PATZ1: variants seen among roughly 807,000 people sequenced by gnomAD.
PATZ1 encodes POZ-, AT hook-, and zinc finger-containing protein 1.
Under a neutral mutation model 46.2 loss-of-function variants are expected in PATZ1, and 9 were observed. The observed-to-expected ratio is 0.19, with a 90% CI of 0.12 to 0.34. PATZ1 has a LOEUF of 0.34. Ranked by LOEUF, PATZ1 falls within the 10% of genes least tolerant of loss-of-function variation. The pLI is 1.00. For missense variants in PATZ1, 632 were observed against 923.0 expected (o/e 0.68, Z 4.08); for synonymous variants, 426 against 378.6 (o/e 1.13, Z -1.45).
chr22:31,345,083 G>A lies in PATZ1; in HGVS notation c.520C>T (p.Leu174Phe), dbSNP rs1275952099. The change falls in exon 1 of 5, where the codon CTC (leucine) becomes TTC (phenylalanine). Residue 174 changes from leucine (L) to phenylalanine (F), a missense_variant. Around this residue, in one of 7 missense-constraint regions of PATZ1, gnomAD observed 279 missense variants for 284.3 expected, o/e 0.98. Transcript: ENST00000266269. The surrounding 1 kb of genome is among the most constrained non-coding windows in gnomAD (Gnocchi z 7.4). ...LVPPARADIM[L>F]FRPPGTSDLG... ...TCCGAGGTCCCAGGGGGGCGAAAGA[G>A]CATTATATCGGCGCGGGCAGGGGGT... 7 of 1,614,090 alleles carry A rather than the reference G, an allele frequency of 4.3e-6. No individual in the cohort carries two copies. The highest frequency in any genetic ancestry group is 1.3e-5 in the African/African-American group (1 of 74,946).
chr22:31,327,131 A>G lies in PATZ1; in HGVS notation c.1824T>C (p.Pro608=), dbSNP rs1402037933. The G allele has an allele frequency of 6.2e-7, 1 of 1,613,878 alleles. No individual in the cohort carries two copies. Among genetic ancestry groups the G allele is most frequent in the African/African-American group, 1.3e-5 (1 of 74,846 alleles). Residue 608 remains proline (P), a synonymous_variant, in exon 5 of 5, where the codon CCT becomes CCC. Transcript: ENST00000266269. This position sits in a 1 kb window ranked among gnomAD's most constrained non-coding sequence, Gnocchi z 4.2. The stretch of plus-strand genomic sequence containing the variant: ...TAGAGCGGAAGAAGCTCCCACATTC[A>G]GGGCATGGGTACTTCTTCTCCCCAT... ...ESDGEKKYPC[P]ECGSFFRSKS...
Position 31,344,577 on chromosome 22 carries a change from G to A in PATZ1, c.1026C>T (p.Pro342=), listed in dbSNP as rs943738029. 4.3e-6 allele frequency: 7 copies of A among 1,614,072 alleles called. No individual in the cohort carries two copies. The highest frequency in any genetic ancestry group is 3.3e-5 in the Admixed American group (2 of 60,008). Residue 342 remains proline (P), a synonymous_variant, in exon 1 of 5, where the codon CCC becomes CCT. Coordinates refer to ENST00000266269, the MANE Select transcript of PATZ1 (RefSeq NM_014323.3). ...TCCGGCTCCTCTTTCGGGGGCCGTC[G>A]GGGTCTTCAGAGATGGGTAGCCCAT... The part of the protein sequence containing the change: ...GENGLPISED[P]DGPRKRSRTR...
At chr22:31,332,869 A>T (rs1187369345) in intron 3 of PATZ1, among the ~76,000 whole-genome samples, 1 of 152,252 alleles carries the variant, frequency 6.6e-6, no homozygotes, top group African/African-American at 2.4e-5. Context: ...ATAGGCATAT[A>T]TACAAAGATC....
At chr22:31,330,669 C>T (rs1310103102) in intron 3 of PATZ1, among the ~76,000 whole-genome samples, 1 of 152,138 alleles carries the variant, frequency 6.6e-6, no homozygotes, top group Non-Finnish European at 1.5e-5. Context: ...GGGACGCTAA[C>T]CTTTTAGGAA....
At chr22:31,340,625 G>GT in intron 2 of PATZ1, 10 of 958,884 alleles carry the variant, frequency 1.0e-5, no homozygotes, top group Non-Finnish European at 1.1e-5. Flanking sequence ...CCAAGGGACA[G>GT]TGATGTCAGT....
chr22:31,346,306 CG>C lies in PATZ1; in HGVS notation c.-705del, dbSNP rs1218934936. 3 of 153,774 alleles carry C rather than the reference CG, an allele frequency of 2.0e-5. No homozygotes were observed. Among genetic ancestry groups the C allele is most frequent in the Non-Finnish European group, 2.9e-5 (2 of 69,090 alleles). The allele number at this position is 153,774 out of a possible 1,614,324, so 9.5% of individuals were successfully genotyped here. A position where few individuals can be genotyped will look rare whatever the true frequency, so the allele number is the denominator to read the frequency against. ...AGGCGGCGGCGGAGCGGCGGCTGTG[CG>C]GCCCCGGGCTCCGTGTGTTCGGAGC... is the stretch of plus-strand genomic sequence containing the variant. On this transcript the variant is annotated 5_prime_UTR_variant, in exon 1 of 5. Transcript: ENST00000266269.
At chr22:31,331,449 C>T (rs993726766) in intron 3 of PATZ1, among the ~76,000 whole-genome samples, 2 of 151,550 alleles carry the variant, frequency 1.3e-5, no homozygotes, top group African/African-American at 4.9e-5. Context: ...ATGCCATTCT[C>T]CTGCCTCAGC....
At chr22:31,344,182 T>C (rs769815136) in intron 1 of PATZ1, 150 bp downstream of exon 1, 2 of 688,726 alleles carry the variant, frequency 2.9e-6, no homozygotes, top group East Asian at 2.7e-5. Flanking sequence ...CATCTCAAAA[T>C]AAGGGCCCTT....
chr22:31,337,455 C>T (rs1050858141), intron 2 of PATZ1, among the ~76,000 whole-genome samples: 4 of 152,228 alleles, frequency 2.6e-5, no homozygotes, highest in Admixed American at 2.0e-4. Flanking sequence ...GAGCACCTGA[C>T]TTAGTACCAG....
At chr22:31,341,715 C>A in intron 2 of PATZ1, 3 of 1,573,138 alleles carry the variant, frequency 1.9e-6, no homozygotes, top group Non-Finnish European at 2.6e-6. Flanking sequence ...CAGGTTACCC[C>A]CCCAGGCCAC....
At chr22:31,332,537 T>C (rs968243769) in intron 3 of PATZ1, among the ~76,000 whole-genome samples, 13 of 152,232 alleles carry the variant, frequency 8.5e-5, no homozygotes, top group African/African-American at 2.7e-4. Context: ...TCAGTTGCAT[T>C]TTCTTGCCTG....
chr22:31,339,139 A>T (rs567373877), intron 2 of PATZ1, among the ~76,000 whole-genome samples: 1 of 152,326 alleles, frequency 6.6e-6, no homozygotes, highest in South Asian at 2.1e-4. Context: ...TGGCTTATCC[A>T]TTTGGGGATT....
rs145023907 is a variant in PATZ1 at position 31,328,956 on chromosome 22, G to A, written c.1508-32C>T. 272 of 1,579,058 alleles carry A rather than the reference G, an allele frequency of 1.7e-4. No homozygotes were observed. In the African/African-American group the frequency reaches 2.9e-3, roughly 17 times the overall value. On this transcript the variant is annotated intron_variant, in intron 3 of 4. Coordinates refer to ENST00000266269, the MANE Select transcript of PATZ1 (RefSeq NM_014323.3). The surrounding 1 kb of genome is among the most constrained non-coding windows in gnomAD (Gnocchi z 4.8). ...AAGACAAAAGGAGATGAGATCCCGC[G>A]GCCAGCAAGAGATACCTCTCTCCTT...
At chr22:31,341,045 G>A (rs1394943349) in intron 2 of PATZ1, 6 of 1,085,954 alleles carry the variant, frequency 5.5e-6, no homozygotes, top group Non-Finnish European at 6.7e-6. Flanking sequence ...AGAAACCCCA[G>A]GCCTATGGGA....
chr22:31,329,868 C>T (rs576145497), intron 3 of PATZ1, among the ~76,000 whole-genome samples: 1 of 152,350 alleles, frequency 6.6e-6, no homozygotes, highest in South Asian at 2.1e-4. Context: ...AGGAGGTATG[C>T]CATCAAACCC....
chr22:31,346,217 CGGCGGCGGCTGGAGCGGGCG>C lies in PATZ1; in HGVS notation c.-635_-616del, dbSNP rs1378508134. 7 of 152,578 alleles carry C rather than the reference CGGCGGCGGCTGGAGCGGGCG, an allele frequency of 4.6e-5. No homozygotes were observed. Among genetic ancestry groups the C allele is most frequent in the Non-Finnish European group, 9.9e-5 (7 of 70,552 alleles). The allele number at this position is 152,578 out of a possible 1,614,324, so 9.5% of individuals were successfully genotyped here. A position where few individuals can be genotyped will look rare whatever the true frequency, so the allele number is the denominator to read the frequency against. ...GGAGCCTGGAGGGCGGTGGCGGCGG[CGGCGGCGGCTGGAGCGGGCG>C]GGCGGCGGCGGCGGCAGAGTAGGCC... On this transcript the variant is annotated 5_prime_UTR_variant, in exon 1 of 5. Transcript: ENST00000266269.
chr22:31,341,762 T>A (rs1324929073), intron 2 of PATZ1: 1 of 1,301,478 alleles, frequency 7.7e-7, no homozygotes, highest in Non-Finnish European at 1.1e-6. Flanking sequence ...CTCCTCCTAC[T>A]CTGCCCGGGC....
Position 31,326,606 on chromosome 22 carries a change from T to A in PATZ1, c.*285A>T. On this transcript the variant is annotated 3_prime_UTR_variant, in exon 5 of 5. Transcript: ENST00000266269. ...CACCAGGAATTCCAGCTTCTTCCCATTAAAGAAACTGGGACTGGTTTTGCC... is the reference window on the plus strand; with the variant it reads ...CACCAGGAATTCCAGCTTCTTCCCAATAAAGAAACTGGGACTGGTTTTGCC... The A allele has an allele frequency of 8.7e-6, 3 of 345,650 alleles. No homozygotes were observed. The highest frequency in any genetic ancestry group is 1.6e-5 in the Non-Finnish European group (3 of 190,014). 21.4% of individuals were successfully genotyped at this position (345,650 alleles called of 1,614,324 possible). A position where few individuals can be genotyped will look rare whatever the true frequency, so the allele number is the denominator to read the frequency against.
At position 31,327,746 on chromosome 22, in the gene PATZ1, G is replaced by A. The variant is rs1256903321; in HGVS notation, c.1646-437C>T. 6.6e-6 allele frequency among the ~76,000 whole-genome samples: 1 copy of A among 152,126 alleles called. No individual in the cohort carries two copies. The highest frequency in any genetic ancestry group is 1.5e-5 in the Non-Finnish European group (1 of 68,020). On this transcript the variant is annotated intron_variant, in intron 4 of 4. Transcript: ENST00000266269. This position sits in a 1 kb window ranked among gnomAD's most constrained non-coding sequence, Gnocchi z 4.2. ...CCTCGCCTCCTGCACCAGACTAGCTGCACCCTAGCAAGACAGGCAGAACCA... is the reference window on the plus strand; with the variant it reads ...CCTCGCCTCCTGCACCAGACTAGCTACACCCTAGCAAGACAGGCAGAACCA...
Sources: gnomAD v4.1 joint callset for allele counts (sites outside exome capture counted in the v4.1 genomes callset) on GRCh38, gnomAD v4.1.1 for gene constraint, gnomAD v4.1.1 regional missense constraint, Gnocchi (gnomAD v3.1) non-coding constraint, MANE v1.5 for transcripts, NCBI Gene and HGNC (gene_info 2026-07-23, HGNC 2026-07-21) for gene names.